The following VDR variants were observed in gnomAD, a reference collection of about 807,000 sequenced individuals.
The protein encoded by VDR is vitamin D3 receptor.
In VDR, 19 loss-of-function variants were observed where a neutral mutation model predicts 39.7. That is an observed-to-expected ratio of 0.48 (90% CI 0.33 to 0.70). VDR has a LOEUF of 0.70. Among genes scored for constraint, VDR ranks in the 30% least tolerant of loss-of-function variants. VDR has a pLI of 0.02. For missense variants in VDR, 442 were observed against 570.5 expected (o/e 0.77, Z 2.29); for synonymous variants, 242 against 215.8 (o/e 1.12, Z -1.07).
Position 47,855,750 on chromosome 12 carries a change from G to A in VDR, c.635C>T (p.Ser212Leu). 1 of 1,614,198 alleles carries A rather than the reference G, an allele frequency of 6.2e-7. No homozygotes were observed. The part of the protein sequence containing the change: ...FSNLDLSEED[S>L]DDPSVTLELS... The stretch of plus-strand genomic sequence containing the variant: ...CTCTAGGGTCACAGAAGGGTCATCT[G>A]AATCTTCTTCACTCAGATCCAGATT... The change falls in exon 7 of 10, where the codon TCA becomes TTA. Residue 212 changes from serine to leucine, a missense_variant. Ser to Leu is a moderately radical substitution (Grantham distance 145, BLOSUM62 -2). Transcript: ENST00000549336.
chr12:47,883,905 A>G (rs11574036), intron 1 of VDR, among the ~76,000 whole-genome samples: 1 of 152,154 alleles, frequency 6.6e-6, no homozygotes, highest in Non-Finnish European at 1.5e-5. Flanking sequence ...TGAGGAAAAC[A>G]CTAGTGGACA....
intron 1 of VDR, among the ~76,000 whole-genome samples, chr12:47,895,606 T>G (rs891441513): frequency 2.0e-5 from 3 of 152,100 alleles, no homozygotes; most frequent in African/African-American, 7.2e-5. Context: ...CAGTTACCTG[T>G]TAAAAAAAAA....
intron 1 of VDR, among the ~76,000 whole-genome samples, chr12:47,889,305 G>C (rs1403159380): frequency 6.6e-6 from 1 of 152,124 alleles, no homozygotes; most frequent in Non-Finnish European, 1.5e-5. Flanking sequence ...GATGTGGTGT[G>C]GGGTAGGAAT....
At chr12:47,882,505 A>C in intron 2 of VDR, 189 bp downstream of exon 2, 1 of 575,938 alleles carries the variant, frequency 1.7e-6, no homozygotes, top group East Asian at 3.1e-5. Context: ...CCCTTCTCTG[A>C]ACTCCCACCC....
At position 47,846,727 on chromosome 12, in the gene VDR, G is replaced by A; in HGVS notation, c.837C>T (p.Phe279=). The change falls in exon 8 of 10, where the codon TTC becomes TTT. Residue 279 remains phenylalanine, a synonymous_variant. Coordinates refer to ENST00000549336, the MANE Select transcript of VDR (RefSeq NM_000376.3). ...AGGTCCAGGACATGTCGTCCATGGT[G>A]AAGGACTCATTGGAGCGCAACATGA... ...EVIMLRSNES[F]TMDDMSWTCG... The A allele has an allele frequency of 1.2e-6, 2 of 1,614,188 alleles. No individual in the cohort carries two copies. Among genetic ancestry groups the A allele is most frequent in the Non-Finnish European group, 8.5e-7 (1 of 1,180,034 alleles).
chr12:47,885,465 G>A (rs1429239402), intron 1 of VDR, among the ~76,000 whole-genome samples: 5 of 152,222 alleles, frequency 3.3e-5, no homozygotes, highest in South Asian at 2.1e-4. Flanking sequence ...TCTCGCCTAC[G>A]GCAGTCTTGC....
rs563957151 is a variant in VDR, at chr12:47,862,940, G to C, written c.277+2107C>G. Among the ~76,000 whole-genome samples, 3 of 152,356 alleles carry C rather than the reference G, an allele frequency of 2.0e-5. No homozygotes were observed. The South Asian group carries it at 6.2e-4, about 32-fold the overall frequency. ...GCTCCACCAGCCCATCTAGAACTGA[G>C]TACTGCTCCCTGCACTGGGATGAGG... On this transcript the variant is annotated intron_variant, in intron 4 of 9. Transcript: ENST00000549336.
intron 4 of VDR, among the ~76,000 whole-genome samples, chr12:47,864,369 C>A (rs988004843): frequency 2.0e-5 from 3 of 152,234 alleles, no homozygotes; most frequent in Non-Finnish European, 4.4e-5. Flanking sequence ...CTTCTCCAAC[C>A]CCAGAGAGGG....
intron 1 of VDR, among the ~76,000 whole-genome samples, chr12:47,895,713 T>C (rs1306019102): frequency 6.6e-6 from 1 of 152,212 alleles, no homozygotes; most frequent in Non-Finnish European, 1.5e-5. Flanking sequence ...GATTACACAT[T>C]TCATTTTTTT....
intron 1 of VDR, among the ~76,000 whole-genome samples, chr12:47,895,725 A>T (rs185187407): frequency 6.6e-6 from 1 of 152,286 alleles, no homozygotes; most frequent in Non-Finnish European, 1.5e-5. Context: ...CATTTTTTTT[A>T]AATTGGCTGT....
At chr12:47,903,057 C>T (rs1283688710) in intron 1 of VDR, among the ~76,000 whole-genome samples, 1 of 152,222 alleles carries the variant, frequency 6.6e-6, no homozygotes, top group African/African-American at 2.4e-5. Context: ...CAGCACCCGA[C>T]CTTCCATAAT....
chr12:47,878,513 C>T (rs150567648), intron 3 of VDR, among the ~76,000 whole-genome samples: 46 of 152,292 alleles, frequency 3.0e-4, no homozygotes, highest in Non-Finnish European at 3.2e-4. Flanking sequence ...CGTGATGACC[C>T]GACAAGAGGT....
At chr12:47,853,575 A>C (rs1270552820) in intron 7 of VDR, among the ~76,000 whole-genome samples, 1 of 152,140 alleles carries the variant, frequency 6.6e-6, no homozygotes, top group Non-Finnish European at 1.5e-5. Context: ...CAAGATGGTG[A>C]AACCCCAACT....
At chr12:47,895,855 G>T (rs952621180) in intron 1 of VDR, among the ~76,000 whole-genome samples, 1 of 152,240 alleles carries the variant, frequency 6.6e-6, no homozygotes, top group African/African-American at 2.4e-5. Flanking sequence ...AGCCTGCTGG[G>T]CCGAGAGGGG....
At chr12:47,880,762 T>C (rs949482546) in intron 2 of VDR, among the ~76,000 whole-genome samples, 1 of 151,510 alleles carries the variant, frequency 6.6e-6, no homozygotes, top group Admixed American at 6.6e-5. Flanking sequence ...ATCCTAATAG[T>C]AATAGTGACA....
intron 4 of VDR, among the ~76,000 whole-genome samples, chr12:47,863,146 C>G (rs755630742): frequency 1.3e-5 from 2 of 152,116 alleles, no homozygotes. Flanking sequence ...TTACCCCAGG[C>G]TGGTGCTGCT....
intron 4 of VDR, among the ~76,000 whole-genome samples, chr12:47,861,875 G>T (rs768804464): frequency 2.0e-5 from 3 of 152,210 alleles, no homozygotes; most frequent in Non-Finnish European, 4.4e-5. Flanking sequence ...AAGATGCCAA[G>T]GATGGGCTAA....
intron 3 of VDR, among the ~76,000 whole-genome samples, chr12:47,871,830 A>G (rs576319150): frequency 2.4e-4 from 36 of 152,352 alleles, no homozygotes; most frequent in African/African-American, 8.4e-4. Context: ...AAGAAAGAGG[A>G]AGAATGCTGA....
chr12:47,850,223 A>G (rs879577253), intron 7 of VDR, among the ~76,000 whole-genome samples: 2 of 152,224 alleles, frequency 1.3e-5, no homozygotes, highest in Non-Finnish European at 2.9e-5. Context: ...GTATACATTT[A>G]ACATACTGGA....
Sources: gnomAD v4.1 joint callset for allele counts (sites outside exome capture counted in the v4.1 genomes callset) on GRCh38, gnomAD v4.1.1 for gene constraint, MANE v1.5 for transcripts, NCBI Gene and HGNC (gene_info 2026-07-23, HGNC 2026-07-21) for gene names.